CHRNA3: variants seen among roughly 807,000 people sequenced by gnomAD.
CHRNA3 encodes the protein cholinergic receptor nicotinic alpha 3 subunit.
A neutral mutation model predicts 41.9 loss-of-function variants in CHRNA3; 34 were observed. The ratio of observed to expected loss-of-function variants is 0.81; its 90% CI spans 0.62 to 1.08. CHRNA3 has a LOEUF of 1.08. Among genes scored for constraint, CHRNA3 ranks in the 50% least tolerant of loss-of-function variants. The pLI, the probability that CHRNA3 is intolerant of heterozygous loss-of-function variation, is 0.00. For synonymous variants in CHRNA3, 281 were observed against 265.2 expected, an observed-to-expected ratio of 1.06 and a Z score of -0.58; for missense variants, 542 against 638.3, an observed-to-expected ratio of 0.85 and a Z score of 1.63.
chr15:78,612,470 G>T (rs1250189912), intron 4 of CHRNA3, among the ~76,000 whole-genome samples: 1 of 109,800 alleles, frequency 9.1e-6, no homozygotes, highest in African/African-American at 4.1e-5. Context: ...ATGGGGGAAA[G>T]GATTCCCTAT....
chr15:78,613,211 C>A (rs2053407321), intron 4 of CHRNA3, among the ~76,000 whole-genome samples: 1 of 152,122 alleles, frequency 6.6e-6, no homozygotes, highest in Admixed American at 6.5e-5. Flanking sequence ...CCAGCCATCC[C>A]ATTACTGGGT....
Position 78,596,471 on chromosome 15 carries a change from G to A in CHRNA3, c.*133C>T, listed in dbSNP as rs201776000. On this transcript the variant is annotated 3_prime_UTR_variant, in exon 6 of 6. Coordinates refer to ENST00000326828, the MANE Select transcript of CHRNA3 (RefSeq NM_000743.5). ...TTTTTTGCATGATTCCAAGATAAGTGGAAAATAAGTAAACCTCGAAATGCC... is the reference window on the plus strand; with the variant it reads ...TTTTTTGCATGATTCCAAGATAAGTAGAAAATAAGTAAACCTCGAAATGCC... The A allele has an allele frequency of 7.6e-6, 10 of 1,322,294 alleles. No homozygotes were observed. In the Admixed American group the frequency reaches 3.5e-4, roughly 47 times the overall value. 81.9% of individuals were successfully genotyped at this position (1,322,294 alleles called of 1,614,324 possible).
chr15:78,613,469 G>A (rs1302765049), intron 4 of CHRNA3, among the ~76,000 whole-genome samples: 1 of 147,784 alleles, frequency 6.8e-6, no homozygotes, highest in Non-Finnish European at 1.5e-5. Flanking sequence ...CTATCGCAAG[G>A]ACAAAAAACC....
At chr15:78,603,409 C>T (rs1032986555) in intron 4 of CHRNA3, among the ~76,000 whole-genome samples, 7 of 151,506 alleles carry the variant, frequency 4.6e-5, no homozygotes, top group African/African-American at 1.7e-4. Flanking sequence ...GCATTCCATC[C>T]GCGATGGCCA....
intron 5 of CHRNA3, among the ~76,000 whole-genome samples, chr15:78,598,835 A>ATT (rs34934996): frequency 0.019 from 2,199 of 118,264 alleles, 31 homozygotes; most frequent in African/African-American, 0.023. Context: ...TGCACCCGGC[A>ATT]TTTTTTTTTT....
downstream of CHRNA3, chr15:78,595,269 ATCTT>A (rs1169428609): frequency 3.0e-6 from 3 of 984,298 alleles, no homozygotes; most frequent in African/African-American, 5.2e-5. Flanking sequence ...TTTTATCGAC[ATCTT>A]TCTTTTGACT....
intron 5 of CHRNA3, 85 bp from the exon 6 acceptor site, chr15:78,596,817 G>A (rs1262409631): frequency 1.0e-5 from 15 of 1,487,068 alleles, no homozygotes; most frequent in East Asian, 4.8e-5. Flanking sequence ...TAATCAACAC[G>A]TTGCAGTAGA....
chr15:78,617,018 C>T lies in CHRNA3; in HGVS notation c.377+6G>A, dbSNP rs1567092349. On this transcript the variant is annotated splice_donor_region_variant and intron_variant, in intron 4 of 5. Transcript: ENST00000326828. ...CTGAGAGGGCGTGGGCCCCCCAGCACCTTACTTGTTATACAGCACAATGTC... is the reference window on the plus strand; with the variant it reads ...CTGAGAGGGCGTGGGCCCCCCAGCATCTTACTTGTTATACAGCACAATGTC... 1 of 1,607,808 alleles carries T rather than the reference C, an allele frequency of 6.2e-7. No individual in the cohort carries two copies. Among genetic ancestry groups the T allele is most frequent in the Admixed American group, 1.7e-5 (1 of 59,896 alleles).
At chr15:78,596,947 A>ATGTT (rs2141319674) in intron 5 of CHRNA3, among the ~76,000 whole-genome samples, 1 of 152,294 alleles carries the variant, frequency 6.6e-6, no homozygotes, top group East Asian at 1.9e-4. Flanking sequence ...AAGATCTGTC[A>ATGTT]TGTTAGATCT....
chr15:78,606,175 A>AG (rs1367060903), intron 4 of CHRNA3, among the ~76,000 whole-genome samples: 1 of 151,810 alleles, frequency 6.6e-6, no homozygotes, highest in African/African-American at 2.4e-5. Flanking sequence ...ACAAAAAAAA[A>AG]TTTAGCTAGG....
chr15:78,602,158 C>T lies in CHRNA3; in HGVS notation c.484G>A (p.Asp162Asn), dbSNP rs762582486. The stretch of plus-strand genomic sequence containing the variant: ...TAATCAAACGGGAAGTAGGTCACGT[C>T]GATTTTACAGGAGCTCTTAAAGATG... ...PAIFKSSCKI[D>N]VTYFPFDYQN... The change falls in exon 5 of 6, where the codon GAC becomes AAC. Residue 162 changes from aspartate to asparagine, a missense_variant. Asp to Asn is a conservative substitution (Grantham distance 23). Transcript: ENST00000326828. 3 of 1,614,084 alleles carry T rather than the reference C, an allele frequency of 1.9e-6. No individual in the cohort carries two copies.
intron 4 of CHRNA3, among the ~76,000 whole-genome samples, chr15:78,615,646 G>A (rs1226525573): frequency 7.2e-6 from 1 of 139,690 alleles, no homozygotes; most frequent in East Asian, 3.1e-4. Flanking sequence ...CCTGGGGACA[G>A]GTATAGAGAT....
chr15:78,597,576 A>T (rs2053133826), intron 5 of CHRNA3, among the ~76,000 whole-genome samples: 1 of 152,184 alleles, frequency 6.6e-6, no homozygotes, highest in African/African-American at 2.4e-5. Flanking sequence ...TACTCATAAG[A>T]CCAAAGTATC....
chr15:78,593,416 G>T, downstream of CHRNA3: 1 of 603,514 alleles, frequency 1.7e-6, no homozygotes, highest in Non-Finnish European at 2.6e-6. Flanking sequence ...TTGAACAGTT[G>T]GCTGTATGAC....
intron 4 of CHRNA3, among the ~76,000 whole-genome samples, chr15:78,609,139 G>A (rs1161165677): frequency 6.6e-6 from 1 of 152,188 alleles, no homozygotes; most frequent in Non-Finnish European, 1.5e-5. Flanking sequence ...ATGGAACCAA[G>A]TTGGAAAACA....
intron 4 of CHRNA3, 42 bp downstream of exon 4, chr15:78,616,982 G>T: frequency 6.9e-7 from 1 of 1,448,944 alleles, no homozygotes; most frequent in Non-Finnish European, 9.6e-7. Flanking sequence ...CCAGAGCCCA[G>T]GCTGACAGCC....
In CHRNA3 at chr15:78,616,426, C is replaced by T. The variant is rs76593333; in HGVS notation, c.377+598G>A. 5.4e-3 allele frequency among the ~76,000 whole-genome samples: 799 copies of T among 148,086 alleles called. 6 individuals carry two copies. Among genetic ancestry groups the T allele is most frequent in the Non-Finnish European group, 7.0e-3 (471 of 67,440 alleles). The stretch of plus-strand genomic sequence containing the variant: ...GCAGGCTGGGAACCCTGGGACTACA[C>T]AGCTTAGGCCCACCCAGCTATGATC... On this transcript the variant is annotated intron_variant, in intron 4 of 5. Transcript: ENST00000326828.
chr15:78,601,872 AAGG>A lies in CHRNA3; in HGVS notation c.767_769del (p.Ser256del). On this transcript the variant is annotated inframe_deletion, in exon 5 of 6. Coordinates refer to ENST00000326828, the MANE Select transcript of CHRNA3 (RefSeq NM_000743.5). Reference sequence around the variant, plus strand: ...CAGGTAGAAGACGAGCACAGTGAGGAAGGAGATGAGCAGGCAGGGGATGATGAG... The same window carrying A: ...CAGGTAGAAGACGAGCACAGTGAGGAAGATGAGCAGGCAGGGGATGATGAG... 1 of 1,614,104 alleles carries A rather than the reference AAGG, an allele frequency of 6.2e-7. No individual in the cohort carries two copies. The highest frequency in any genetic ancestry group is 8.5e-7 in the Non-Finnish European group (1 of 1,180,012).
At chr15:78,617,842 G>C (rs1209545010) in intron 3 of CHRNA3, among the ~76,000 whole-genome samples, 1 of 152,204 alleles carries the variant, frequency 6.6e-6, no homozygotes, top group Non-Finnish European at 1.5e-5. Context: ...GGCAAGTCTG[G>C]ACAAAGCCTC....
Sources: gnomAD v4.1 joint callset for allele counts (sites outside exome capture counted in the v4.1 genomes callset) on GRCh38, gnomAD v4.1.1 for gene constraint, MANE v1.5 for transcripts, NCBI Gene and HGNC (gene_info 2026-07-23, HGNC 2026-07-21) for gene names.